CWC25: variants seen among roughly 807,000 people sequenced by gnomAD.
CWC25 encodes the protein CWC25 spliceosome associated protein.
Under a neutral mutation model 54.6 loss-of-function variants are expected in CWC25, and 31 were observed. That is an observed-to-expected ratio of 0.57 (90% confidence interval 0.43 to 0.77). The LOEUF is 0.77. Among genes scored for constraint, CWC25 ranks in the 30% least tolerant of loss-of-function variants. The pLI, the probability that CWC25 is intolerant of heterozygous loss-of-function variation, is 0.00. For synonymous variants in CWC25, 151 were observed against 187.0 expected (o/e 0.81, Z 1.57); for missense variants, 453 against 529.3 (o/e 0.86, Z 1.41).
intron 8 of CWC25, among the ~76,000 whole-genome samples, chr17:38,806,012 G>A (rs1598068159): frequency 2.0e-5 from 3 of 151,830 alleles, no homozygotes; most frequent in Admixed American, 6.6e-5. Context: ...GGGTTTCACC[G>A]TGTTGGTTAG....
intron 4 of CWC25, 37 bp from the exon 5 acceptor site, chr17:38,810,632 T>G (rs753158790): frequency 9.4e-7 from 1 of 1,062,598 alleles, no homozygotes; most frequent in African/African-American, 1.6e-5. Context: ...ACAAGATTAC[T>G]GAGACCAGCC....
At chr17:38,817,456 G>A (rs984305260) in intron 2 of CWC25, among the ~76,000 whole-genome samples, 2 of 151,856 alleles carry the variant, frequency 1.3e-5, no homozygotes, top group Admixed American at 6.6e-5. Flanking sequence ...TTCAAGACCA[G>A]CCTGGCCAAC....
In CWC25 at chr17:38,815,015, T is replaced by C. The variant is rs549906196; in HGVS notation, c.274A>G (p.Ile92Val). The part of the protein sequence containing the change: ...NRDEYLLGRP[I>V]DKYVFEKMEE... ...ATCTTCTCAAAAACATATTTGTCAA[T>C]GGGGCGCCCCAGCAGGTACTCGTCA... Residue 92 changes from isoleucine to valine, a missense_variant, in exon 3 of 10, where the codon ATT becomes GTT. Ile to Val is a conservative substitution (Grantham distance 29). Transcript: ENST00000614790. 112 of 1,613,926 alleles carry C rather than the reference T, an allele frequency of 6.9e-5. 1 individual carries two copies. In the East Asian group the frequency reaches 2.1e-3, roughly 31 times the overall value.
At chr17:38,811,773 C>T (rs1911498877) in intron 4 of CWC25, among the ~76,000 whole-genome samples, 1 of 152,118 alleles carries the variant, frequency 6.6e-6, no homozygotes, top group African/African-American at 2.4e-5. Context: ...TGTTTTTAAA[C>T]AGTCACCAAA....
At chr17:38,806,475 A>G in intron 7 of CWC25, 80 bp from the exon 8 acceptor site, 1 of 1,181,670 alleles carries the variant, frequency 8.5e-7, no homozygotes, top group East Asian at 2.5e-5. Flanking sequence ...ACAATGCAAG[A>G]TGAGCTAATG....
intron 5 of CWC25, 30 bp downstream of exon 5, chr17:38,810,438 G>C: frequency 6.6e-7 from 1 of 1,512,752 alleles, no homozygotes; most frequent in Non-Finnish European, 8.9e-7. Flanking sequence ...GTGAATCAAC[G>C]AGAAGGGAGG....
intron 3 of CWC25, 72 bp downstream of exon 3, chr17:38,814,789 A>G: frequency 9.9e-7 from 1 of 1,012,694 alleles, no homozygotes; most frequent in African/African-American, 1.7e-5. Flanking sequence ...ACTGTAAAGC[A>G]AGAGAATCAA....
intron 2 of CWC25, chr17:38,815,659 A>T (rs1369345224): frequency 1.2e-5 from 15 of 1,288,932 alleles, no homozygotes; most frequent in Non-Finnish European, 1.5e-5. Context: ...AGTGTTCCTC[A>T]ACATGGGGTG....
chr17:38,807,891 T>C (rs1277416750), intron 6 of CWC25, among the ~76,000 whole-genome samples: 1 of 133,712 alleles, frequency 7.5e-6, no homozygotes, highest in African/African-American at 2.7e-5. Context: ...ACACTGTCTC[T>C]ACTAAAAATA....
intron 2 of CWC25, among the ~76,000 whole-genome samples, chr17:38,817,772 C>T (rs866524750): frequency 6.6e-6 from 1 of 150,692 alleles, no homozygotes; most frequent in East Asian, 2.0e-4. Context: ...GGTGACAGAG[C>T]GAGACTCTGT....
intron 3 of CWC25, among the ~76,000 whole-genome samples, chr17:38,814,353 G>C (rs1188226935): frequency 6.8e-6 from 1 of 147,800 alleles, no homozygotes; most frequent in Non-Finnish European, 1.5e-5. Context: ...GCGTGATCTC[G>C]GCTCACTGCA....
chr17:38,809,870 C>T lies in CWC25; in HGVS notation c.627-105G>A, dbSNP rs548436137. The T allele has an allele frequency of 2.6e-5, 26 of 1,010,922 alleles. No homozygotes were observed. The East Asian group carries it at 4.8e-4, about 19-fold the overall frequency. The allele number at this position is 1,010,922 out of a possible 1,614,324, so 62.6% of individuals were successfully genotyped here. A position where few individuals can be genotyped will look rare whatever the true frequency, so the allele number is the denominator to read the frequency against. On this transcript the variant is annotated intron_variant, in intron 5 of 9. Transcript: ENST00000614790. ...CTTCTTGCCTCCAATGTGACCTTTC[C>T]GCCTCCCAGCAGTTACCTGGCAGTA... is the stretch of plus-strand genomic sequence containing the variant.
At chr17:38,805,168 G>A (rs541440036) in intron 8 of CWC25, among the ~76,000 whole-genome samples, 72 of 151,398 alleles carry the variant, frequency 4.8e-4, no homozygotes, top group African/African-American at 1.7e-3. Flanking sequence ...CCAGCTACTC[G>A]GGAGGCTGGG....
intron 3 of CWC25, 67 bp from the exon 4 acceptor site, chr17:38,812,931 C>T: frequency 1.1e-6 from 1 of 890,130 alleles, no homozygotes; most frequent in South Asian, 1.4e-5. Flanking sequence ...GTAACCTTTT[C>T]TCCAAACATA....
intron 6 of CWC25, among the ~76,000 whole-genome samples, chr17:38,808,855 A>G (rs1911361995): frequency 6.6e-6 from 1 of 151,070 alleles, no homozygotes; most frequent in African/African-American, 2.4e-5. Flanking sequence ...CTGAGGCAGG[A>G]GAATTGCTTG....
At position 38,821,107 on chromosome 17, in the gene CWC25, G is replaced by A. The variant is rs746337236; in HGVS notation, c.19-34C>T. ...AATAAAAAGAAGGTGATGATAATTC[G>A]GGGGGTGACTGAGTGGTGGGTATAA... On this transcript the variant is annotated intron_variant, in intron 1 of 9. Transcript: ENST00000614790. The A allele has an allele frequency of 3.5e-5, 56 of 1,593,928 alleles. No homozygotes were observed. The South Asian group carries it at 4.3e-4, about 12-fold the overall frequency.
chr17:38,801,784 G>C lies in CWC25; in HGVS notation c.*308C>G, dbSNP rs1270254847. 4.0e-6 allele frequency: 1 copy of C among 251,806 alleles called. No homozygotes were observed. The allele number at this position is 251,806 out of a possible 1,614,324, so 15.6% of individuals were successfully genotyped here. On this transcript the variant is annotated 3_prime_UTR_variant, in exon 10 of 10. Transcript: ENST00000614790. Reference sequence around the variant, plus strand: ...TAGGTCTGTTGGCACAGGTAAGAAGGAAGTGGCATGATAAACATCACAACC... The same window carrying C: ...TAGGTCTGTTGGCACAGGTAAGAAGCAAGTGGCATGATAAACATCACAACC...
At chr17:38,819,722 G>A (rs1269938752) in intron 2 of CWC25, among the ~76,000 whole-genome samples, 9 of 146,572 alleles carry the variant, frequency 6.1e-5, no homozygotes, top group Admixed American at 3.4e-4. Context: ...TCAATCTGTC[G>A]CCCAGGCTGG....
intron 1 of CWC25, among the ~76,000 whole-genome samples, chr17:38,822,762 CAAG>C (rs1911974091): frequency 6.6e-6 from 1 of 151,202 alleles, no homozygotes; most frequent in Non-Finnish European, 1.5e-5. Context: ...TGCAGGGACG[CAAG>C]AAGAAGCCAA....
Sources: gnomAD v4.1 joint callset for allele counts (sites outside exome capture counted in the v4.1 genomes callset) on GRCh38, gnomAD v4.1.1 for gene constraint, MANE v1.5 for transcripts, NCBI Gene and HGNC (gene_info 2026-07-23, HGNC 2026-07-21) for gene names.